The following FUBP3 variants were observed in gnomAD, a reference collection of about 807,000 sequenced individuals.
FUBP3 encodes the protein far upstream element binding protein 3.
FUBP3 carries 28 observed loss-of-function variants against 85.6 expected under a neutral mutation model. That is an observed-to-expected ratio of 0.33 (90% CI 0.24 to 0.45). FUBP3 has a LOEUF of 0.45. Ranked by LOEUF, FUBP3 falls within the 20% of genes least tolerant of loss-of-function variation. The pLI, the probability that FUBP3 is intolerant of heterozygous loss-of-function variation, is 1.00. For missense variants in FUBP3, 583 were observed against 755.1 expected, an observed-to-expected ratio of 0.77 and a Z score of 2.67; for synonymous variants, 271 against 271.4, an observed-to-expected ratio of 1.00 and a Z score of 0.01.
At position 130,626,354 on chromosome 9, in the gene FUBP3, A is replaced by T; in HGVS notation, c.976-10A>T. 6.2e-7 allele frequency: 1 copy of T among 1,610,080 alleles called. No individual in the cohort carries two copies. The highest frequency in any genetic ancestry group is 8.5e-7 in the Non-Finnish European group (1 of 1,178,236). On this transcript the variant is annotated splice_polypyrimidine_tract_variant and intron_variant, in intron 11 of 18. Coordinates refer to ENST00000319725, the MANE Select transcript of FUBP3 (RefSeq NM_003934.2). ...TGGCAGAGGTCGCTACAGCCCTGTG[A>T]TCTTTCCAGGAAAGAGACGGCTTTG...
chr9:130,620,495 G>T, intron 9 of FUBP3, 37 bp downstream of exon 9: 1 of 1,044,398 alleles, frequency 9.6e-7, no homozygotes, highest in South Asian at 1.4e-5. Flanking sequence ...CAAATGAGAT[G>T]AGGACTAAAG....
Position 130,637,121 on chromosome 9 carries a change from CTGT to C in FUBP3, c.*104_*106del, listed in dbSNP as rs1830448408. ...CATTTGCAAACCTTTTGATGAAGAACTGTTGTTTTGTTCTGTGAAACACTATAT... is the reference window on the plus strand; with the variant it reads ...CATTTGCAAACCTTTTGATGAAGAACTGTTTTGTTCTGTGAAACACTATAT... On this transcript the variant is annotated 3_prime_UTR_variant, in exon 19 of 19. Transcript: ENST00000319725. 1.0e-6 allele frequency: 1 copy of C among 981,668 alleles called. No homozygotes were observed. Among genetic ancestry groups the C allele is most frequent in the Non-Finnish European group, 1.6e-6 (1 of 607,434 alleles). The allele number at this position is 981,668 out of a possible 1,614,324, so 60.8% of individuals were successfully genotyped here. A position where few individuals can be genotyped will look rare whatever the true frequency, so the allele number is the denominator to read the frequency against.
intron 2 of FUBP3, among the ~76,000 whole-genome samples, chr9:130,607,464 A>G (rs1225475022): frequency 6.6e-6 from 1 of 152,184 alleles, no homozygotes; most frequent in Non-Finnish European, 1.5e-5. Flanking sequence ...AAGAAGATGC[A>G]TTGTCAACCA....
chr9:130,634,720 G>T lies in FUBP3; in HGVS notation c.1564G>T (p.Asp522Tyr). The stretch of plus-strand genomic sequence containing the variant: ...GCCCAACTACAGCAAGGCCTGGGAA[G>T]ACTATTACAAAAAACAGAGTGAGTG... Reference protein sequence around the residue: ...SQPNYSKAWEDYYKKQSHAAS... With the variant: ...SQPNYSKAWEYYYKKQSHAAS... Residue 522 changes from aspartate to tyrosine, a missense_variant, in exon 17 of 19, where the codon GAC becomes TAC. Around this residue, in one of 3 missense-constraint regions of FUBP3, gnomAD observed 404 missense variants for 516.8 expected, o/e 0.78. Transcript: ENST00000319725. 6.2e-7 allele frequency: 1 copy of T among 1,613,900 alleles called. No homozygotes were observed. The highest frequency in any genetic ancestry group is 8.5e-7 in the Non-Finnish European group (1 of 1,179,896).
intron 6 of FUBP3, among the ~76,000 whole-genome samples, chr9:130,615,692 C>T (rs1831968723): frequency 6.6e-6 from 1 of 152,210 alleles, no homozygotes; most frequent in Non-Finnish European, 1.5e-5. Flanking sequence ...ACGTGACACG[C>T]AGGGTCCCAA....
chr9:130,617,243 C>A lies in FUBP3; in HGVS notation c.568-554C>A, dbSNP rs147965062. ...GCCAAATGAATTATAAGTAAACTTTCTTTCAGAAAAGGGATTTTGCAGTTG... is the reference window on the plus strand; with the variant it reads ...GCCAAATGAATTATAAGTAAACTTTATTTCAGAAAAGGGATTTTGCAGTTG... On this transcript the variant is annotated intron_variant, in intron 7 of 18. Coordinates refer to ENST00000319725, the MANE Select transcript of FUBP3 (RefSeq NM_003934.2). 2.7e-3 allele frequency among the ~76,000 whole-genome samples: 405 copies of A among 152,338 alleles called. 3 individuals carry two copies. Among genetic ancestry groups the A allele is most frequent in the African/African-American group, 9.5e-3 (397 of 41,592 alleles).
At chr9:130,606,545 GC>G (rs1564203333) in intron 2 of FUBP3, among the ~76,000 whole-genome samples, 1 of 152,084 alleles carries the variant, frequency 6.6e-6, no homozygotes, top group Non-Finnish European at 1.5e-5. Flanking sequence ...ATGTGGCCGG[GC>G]GCGGTGGCTC....
At chr9:130,632,122 A>G in intron 15 of FUBP3, 80 bp from the exon 16 acceptor site, 1 of 1,451,826 alleles carries the variant, frequency 6.9e-7, no homozygotes, top group Non-Finnish European at 9.7e-7. Context: ...GGCTGGGGTG[A>G]GGGAGGTGAG....
chr9:130,584,421 A>G (rs1245836336), intron 1 of FUBP3, among the ~76,000 whole-genome samples: 1 of 149,482 alleles, frequency 6.7e-6, no homozygotes, highest in Non-Finnish European at 1.5e-5. Context: ...CCAGCTACTC[A>G]GGAAGCTGAG....
chr9:130,635,238 C>G lies in FUBP3; in HGVS notation c.1582+500C>G, dbSNP rs1030533354. Among the ~76,000 whole-genome samples, 1 of 152,168 alleles carries G rather than the reference C, an allele frequency of 6.6e-6. No homozygotes were observed. Among genetic ancestry groups the G allele is most frequent in the Non-Finnish European group, 1.5e-5 (1 of 68,038 alleles). On this transcript the variant is annotated intron_variant, in intron 17 of 18. Coordinates refer to ENST00000319725, the MANE Select transcript of FUBP3 (RefSeq NM_003934.2). This position sits in a 1 kb window ranked among gnomAD's most constrained non-coding sequence, Gnocchi z 4.3. Reference sequence around the variant, plus strand: ...CTTCTTAAGTAGGCCCGTTTTCTAACTACCAGAAATGAAACCAGCCTTCAG... The same window carrying G: ...CTTCTTAAGTAGGCCCGTTTTCTAAGTACCAGAAATGAAACCAGCCTTCAG...
intron 11 of FUBP3, among the ~76,000 whole-genome samples, chr9:130,624,921 G>C (rs957562140): frequency 2.0e-5 from 3 of 152,070 alleles, no homozygotes; most frequent in Non-Finnish European, 4.4e-5. Flanking sequence ...CCCTGTCTCT[G>C]CTGAAAATAC....
At chr9:130,589,697 ATATATATATTTTTT>A (rs1400039175) in intron 1 of FUBP3, among the ~76,000 whole-genome samples, 1 of 29,964 alleles carries the variant, frequency 3.3e-5, no homozygotes, top group African/African-American at 1.6e-4. Flanking sequence ...ATATATATAT[ATATATATATTTTTT>A]TTTTTTTTTT....
At position 130,612,961 on chromosome 9, in the gene FUBP3, G is replaced by A. The variant is rs958342847; in HGVS notation, c.280G>A (p.Gly94Ser). The A allele has an allele frequency of 2.5e-6, 4 of 1,610,348 alleles. No homozygotes were observed. The highest frequency in any genetic ancestry group is 3.3e-5 in the Admixed American group (2 of 59,994). ...VPDKMVGFII[G>S]RGGEQISRIQ... Reference sequence around the variant, plus strand: ...CCCTGTTCAATTTGTTTCAGTTATCGGCAGGGGAGGTGAGCAGATTTCACG... The same window carrying A: ...CCCTGTTCAATTTGTTTCAGTTATCAGCAGGGGAGGTGAGCAGATTTCACG... The change falls in exon 5 of 19, where the codon GGC becomes AGC. Residue 94 changes from glycine to serine, a missense_variant. This residue lies in a region of FUBP3 where 177 missense variants were observed against 221.9 expected (regional missense o/e 0.80). Coordinates refer to ENST00000319725, the MANE Select transcript of FUBP3 (RefSeq NM_003934.2). The surrounding 1 kb of genome is among the most constrained non-coding windows in gnomAD (Gnocchi z 4.1).
intron 1 of FUBP3, among the ~76,000 whole-genome samples, chr9:130,584,522 T>C (rs1055379118): frequency 6.6e-6 from 1 of 150,528 alleles, no homozygotes; most frequent in African/African-American, 2.4e-5. Context: ...GAGCAAAACT[T>C]TGTCTCAAAA....
chr9:130,609,480 T>C (rs1831635485), intron 2 of FUBP3, among the ~76,000 whole-genome samples: 1 of 151,980 alleles, frequency 6.6e-6, no homozygotes, highest in Non-Finnish European at 1.5e-5. Flanking sequence ...GGGCGTCTCC[T>C]CCCCCGTGGC....
chr9:130,581,060 A>G (rs1417694876), intron 1 of FUBP3: 1 of 152,192 alleles, frequency 6.6e-6, no homozygotes, highest in Non-Finnish European at 1.5e-5. Context: ...CTCACTGGCT[A>G]CTAATATGTA....
rs138814893 is a variant in FUBP3, at chr9:130,612,156, C to G, written c.225-300C>G. Reference sequence around the variant, plus strand: ...CCTAACCAGGCAGAATGAGGCAACACTGAGAGGTGCTGTATGAAGAAAAGG... The same window carrying G: ...CCTAACCAGGCAGAATGAGGCAACAGTGAGAGGTGCTGTATGAAGAAAAGG... On this transcript the variant is annotated intron_variant, in intron 3 of 18. Coordinates refer to ENST00000319725, the MANE Select transcript of FUBP3 (RefSeq NM_003934.2). The surrounding 1 kb of genome is among the most constrained non-coding windows in gnomAD (Gnocchi z 4.1). Among the ~76,000 whole-genome samples the G allele has an allele frequency of 0.018, 2,728 of 152,282 alleles. 48 individuals are homozygous for G. The highest frequency in any genetic ancestry group is 0.037 in the Middle Eastern group (11 of 294).
chr9:130,604,976 CAT>C (rs3069072), intron 2 of FUBP3, among the ~76,000 whole-genome samples: 7,221 of 151,794 alleles, frequency 0.048, 271 homozygotes, highest in South Asian at 0.072. Flanking sequence ...TTAGTACAGA[CAT>C]ATTAAAACAC....
intron 8 of FUBP3, 29 bp from the exon 9 acceptor site, chr9:130,620,325 C>A (rs145772199): frequency 7.5e-7 from 1 of 1,339,508 alleles, no homozygotes; most frequent in Non-Finnish European, 1.0e-6. Flanking sequence ...AATTTTTTCT[C>A]ATAATGCTTT....
Sources: allele counts gnomAD v4.1 joint callset (sites outside exome capture counted in the v4.1 genomes callset), GRCh38; gene constraint gnomAD v4.1.1; regional missense constraint gnomAD v4.1.1; non-coding constraint Gnocchi (gnomAD v3.1); transcripts MANE v1.5; gene names NCBI Gene and HGNC (gene_info 2026-07-23, HGNC 2026-07-21).